OR51B5: variants seen among roughly 807,000 people sequenced by gnomAD.
OR51B5 encodes the protein olfactory receptor 51B5.
For synonymous variants in OR51B5, 186 were observed against 144.8 expected (o/e 1.28, Z -2.04); for missense variants, 456 against 374.6 (o/e 1.22, Z -1.79).
intron 1 of OR51B5, among the ~76,000 whole-genome samples, chr11:5,388,580 T>G (rs75965010): frequency 0.019 from 2,840 of 148,656 alleles, 96 homozygotes; most frequent in African/African-American, 0.067. Context: ...AATTGTTTAG[T>G]GTCATTAACA....
chr11:5,500,566 A>T (rs1192149034), intron 1 of OR51B5, among the ~76,000 whole-genome samples: 5 of 147,496 alleles, frequency 3.4e-5, no homozygotes, highest in Non-Finnish European at 6.1e-5. Flanking sequence ...GTCATAAGAG[A>T]CTCTGCCAAA....
intron 1 of OR51B5, among the ~76,000 whole-genome samples, chr11:5,387,025 G>C (rs920819022): frequency 6.6e-6 from 1 of 152,094 alleles, no homozygotes; most frequent in Non-Finnish European, 1.5e-5. Flanking sequence ...ATATGTAACG[G>C]AGTTATCTGG....
At chr11:5,504,582 A>G (rs1249006249) in intron 1 of OR51B5, among the ~76,000 whole-genome samples, 1 of 152,198 alleles carries the variant, frequency 6.6e-6, no homozygotes, top group Non-Finnish European at 1.5e-5. Context: ...ATCAGCCTGC[A>G]GGGACCTCCT....
intron 1 of OR51B5, among the ~76,000 whole-genome samples, chr11:5,428,723 G>A (rs1850487173): frequency 6.6e-6 from 1 of 152,248 alleles, no homozygotes; most frequent in South Asian, 2.1e-4. Context: ...CTCATTTCTG[G>A]GCATAGGCCA....
chr11:5,479,566 CA>C (rs1851381259), intron 1 of OR51B5, among the ~76,000 whole-genome samples: 1 of 151,158 alleles, frequency 6.6e-6, no homozygotes, highest in Admixed American at 6.6e-5. Context: ...CACAGACTGG[CA>C]AATTGGATAA....
intron 1 of OR51B5, among the ~76,000 whole-genome samples, chr11:5,386,508 T>C (rs529497476): frequency 1.3e-5 from 2 of 152,368 alleles, no homozygotes; most frequent in South Asian, 4.1e-4. Flanking sequence ...ATCTAAATCA[T>C]GTATGGCCTC....
intron 1 of OR51B5, among the ~76,000 whole-genome samples, chr11:5,437,938 A>T (rs1449043785): frequency 6.6e-6 from 1 of 152,198 alleles, no homozygotes; most frequent in African/African-American, 2.4e-5. Flanking sequence ...TAGAAGATGT[A>T]ATGTTCTCTT....
chr11:5,404,820 T>G (rs2133745043), intron 1 of OR51B5, among the ~76,000 whole-genome samples: 1 of 152,302 alleles, frequency 6.6e-6, no homozygotes, highest in South Asian at 2.1e-4. Flanking sequence ...TGCACCATCT[T>G]TAAGAGCTGT....
chr11:5,453,981 A>G (rs1180908266), intron 1 of OR51B5: 1 of 1,613,922 alleles, frequency 6.2e-7, no homozygotes, highest in Non-Finnish European at 8.5e-7. Flanking sequence ...TCTTATTAAG[A>G]GGCTGCCTAT....
intron 1 of OR51B5, among the ~76,000 whole-genome samples, chr11:5,371,724 A>C (rs1322466743): frequency 6.6e-6 from 1 of 152,188 alleles, no homozygotes; most frequent in Non-Finnish European, 1.5e-5. Context: ...CTATCCATCA[A>C]TACAACACCT....
At chr11:5,381,171 C>CTT (rs542416527) in intron 1 of OR51B5, among the ~76,000 whole-genome samples, 33 of 126,472 alleles carry the variant, frequency 2.6e-4, no homozygotes, top group African/African-American at 9.2e-4. Context: ...CTCTCTCTCT[C>CTT]TCTCACACAC....
chr11:5,405,207 C>A (rs886877796), intron 1 of OR51B5, among the ~76,000 whole-genome samples: 1 of 152,068 alleles, frequency 6.6e-6, no homozygotes, highest in Admixed American at 6.5e-5. Flanking sequence ...TCATCACTTC[C>A]TATAGCAACT....
At chr11:5,399,387 G>A (rs1233953524) in intron 1 of OR51B5, among the ~76,000 whole-genome samples, 1 of 152,174 alleles carries the variant, frequency 6.6e-6, no homozygotes, top group Admixed American at 6.6e-5. Flanking sequence ...ACATTCACTG[G>A]TTGCTAAAGG....
chr11:5,498,136 T>TA (rs1199358997), intron 1 of OR51B5, among the ~76,000 whole-genome samples: 10 of 152,174 alleles, frequency 6.6e-5, no homozygotes. Flanking sequence ...CCCTATAGGA[T>TA]ATTCCACCAG....
exon 1 of OR51B5, chr11:5,343,323 C>T (rs1335142235): frequency 6.9e-7 from 1 of 1,455,918 alleles, no homozygotes; most frequent in South Asian, 1.1e-5. Flanking sequence ...AGCCCCAGGT[C>T]TGTGGCAGCC....
intron 1 of OR51B5, among the ~76,000 whole-genome samples, chr11:5,374,517 G>A (rs1051198510): frequency 6.6e-6 from 1 of 152,142 alleles, no homozygotes; most frequent in Non-Finnish European, 1.5e-5. Context: ...GAAGACTTCA[G>A]ACGATGAAAC....
intron 1 of OR51B5, chr11:5,391,871 C>G (rs1370632312): frequency 6.6e-6 from 1 of 152,092 alleles, no homozygotes; most frequent in East Asian, 1.9e-4. Context: ...GAGTTTGAGA[C>G]CAGCCTGAAC....
At chr11:5,457,320 T>C (rs529643836) in intron 1 of OR51B5, among the ~76,000 whole-genome samples, 1 of 152,374 alleles carries the variant, frequency 6.6e-6, no homozygotes, top group South Asian at 2.1e-4. Flanking sequence ...TTTTGTTCTT[T>C]TTATGGCTAC....
chr11:5,422,731 T>G, intron 1 of OR51B5: 1 of 1,614,046 alleles, frequency 6.2e-7, no homozygotes, highest in Non-Finnish European at 8.5e-7. Flanking sequence ...ACCTTCTCTC[T>G]CGCTCCTATT....
Sources: gnomAD v4.1 joint callset for allele counts (sites outside exome capture counted in the v4.1 genomes callset) on GRCh38, gnomAD v4.1.1 for gene constraint, MANE v1.5 for transcripts, NCBI Gene and HGNC (gene_info 2026-07-23, HGNC 2026-07-21) for gene names.